Variants in KCNB2 observed in about 807,000 individuals in gnomAD.
KCNB2 encodes the protein delayed rectifier potassium channel protein.
KCNB2 carries 15 observed loss-of-function variants against 61.5 expected under a neutral mutation model. The ratio of observed to expected loss-of-function variants is 0.24; its 90% CI spans 0.16 to 0.38. The LOEUF is 0.38. Ranked by LOEUF, KCNB2 falls within the 10% of genes least tolerant of loss-of-function variation. The pLI, the probability that KCNB2 is intolerant of heterozygous loss-of-function variation, is 1.00. For missense variants in KCNB2, 828 were observed against 1,125.2 expected, an observed-to-expected ratio of 0.74 and a Z score of 3.78; for synonymous variants, 457 against 446.0, an observed-to-expected ratio of 1.02 and a Z score of -0.31.
intron 1 of KCNB2, among the ~76,000 whole-genome samples, chr8:72,542,061 TTTA>T (rs1460622392): frequency 3.3e-5 from 5 of 152,138 alleles, no homozygotes; most frequent in African/African-American, 1.2e-4. Flanking sequence ...ATGCATTTAT[TTTA>T]TTAAGTGCAG....
intron 2 of KCNB2, among the ~76,000 whole-genome samples, chr8:72,651,363 T>A (rs1806208471): frequency 6.6e-6 from 1 of 152,186 alleles, no homozygotes; most frequent in African/African-American, 2.4e-5. Flanking sequence ...AATTTTGTCT[T>A]GGGAATTCTT....
intron 2 of KCNB2, among the ~76,000 whole-genome samples, chr8:72,651,342 G>C (rs1265358386): frequency 6.6e-6 from 1 of 152,070 alleles, no homozygotes; most frequent in Admixed American, 6.6e-5. Context: ...TTGGACAGAG[G>C]AATAATAAGC....
At chr8:72,928,141 G>C (rs1186890518) in intron 2 of KCNB2, among the ~76,000 whole-genome samples, 1 of 151,006 alleles carries the variant, frequency 6.6e-6, no homozygotes, top group Non-Finnish European at 1.5e-5. Context: ...TCTTTTCAAA[G>C]AGCTAAAAAC....
At chr8:72,619,866 A>G (rs1805688022) in intron 2 of KCNB2, among the ~76,000 whole-genome samples, 1 of 152,216 alleles carries the variant, frequency 6.6e-6, no homozygotes, top group Admixed American at 6.5e-5. Context: ...TTAATTATTC[A>G]TTGGAGATGT....
intron 2 of KCNB2, among the ~76,000 whole-genome samples, chr8:72,895,398 AG>A (rs913383253): frequency 2.0e-5 from 3 of 152,176 alleles, no homozygotes; most frequent in African/African-American, 7.2e-5. Context: ...TGAAGGTGGA[AG>A]AAGGGGAGCA....
chr8:72,837,660 T>C (rs187208779), intron 2 of KCNB2, among the ~76,000 whole-genome samples: 1 of 152,322 alleles, frequency 6.6e-6, no homozygotes, highest in Admixed American at 6.5e-5. Context: ...ATTTATTGTC[T>C]CATTAGTCAA....
chr8:72,895,062 C>T (rs1404177519), intron 2 of KCNB2, among the ~76,000 whole-genome samples: 8 of 152,136 alleles, frequency 5.3e-5, no homozygotes, highest in African/African-American at 1.9e-4. Flanking sequence ...AGTCACAAAA[C>T]AATCAGTGAA....
chr8:72,707,108 T>A (rs1164533808), intron 2 of KCNB2, among the ~76,000 whole-genome samples: 1 of 152,232 alleles, frequency 6.6e-6, no homozygotes, highest in Non-Finnish European at 1.5e-5. Context: ...AACCTTGCCT[T>A]CATAAGGCAG....
chr8:72,860,344 CTTG>C (rs1810279316), intron 2 of KCNB2, among the ~76,000 whole-genome samples: 1 of 152,176 alleles, frequency 6.6e-6, no homozygotes, highest in Non-Finnish European at 1.5e-5. Flanking sequence ...CCCATCAACA[CTTG>C]TTATCTTTTT....
At chr8:72,732,990 T>TAA (rs895799434) in intron 2 of KCNB2, among the ~76,000 whole-genome samples, 2 of 138,170 alleles carry the variant, frequency 1.4e-5, no homozygotes. Context: ...TTGAAGATGC[T>TAA]AAAAAAAAAA....
In KCNB2 at chr8:72,785,004, C is replaced by T. The variant is rs745700386; in HGVS notation, c.580-150931C>T. On this transcript the variant is annotated intron_variant, in intron 2 of 2. Transcript: ENST00000523207. The stretch of plus-strand genomic sequence containing the variant: ...TAATATTTTAGTCCACATTTCATTA[C>T]TAATAATTATTTAGACTTTCAGATT... 6.6e-5 allele frequency among the ~76,000 whole-genome samples: 10 copies of T among 152,270 alleles called. No homozygotes were observed. In the East Asian group the frequency reaches 1.3e-3, roughly 21 times the overall value.
At chr8:72,821,865 G>C (rs1301552502) in intron 2 of KCNB2, among the ~76,000 whole-genome samples, 3 of 151,996 alleles carry the variant, frequency 2.0e-5, no homozygotes, top group Non-Finnish European at 2.9e-5. Context: ...GAGACAAAGG[G>C]AATCTGCAAG....
chr8:72,730,694 C>A (rs1368891513), intron 2 of KCNB2, among the ~76,000 whole-genome samples: 2 of 152,092 alleles, frequency 1.3e-5, no homozygotes, highest in East Asian at 3.9e-4. Flanking sequence ...AGAGTTAAAT[C>A]ATCTAAGTAA....
intron 2 of KCNB2, among the ~76,000 whole-genome samples, chr8:72,639,306 A>G (rs1436957778): frequency 1.3e-5 from 2 of 152,178 alleles, no homozygotes; most frequent in Non-Finnish European, 2.9e-5. Flanking sequence ...TATAACCAGC[A>G]GGACGCCTAT....
At chr8:72,828,833 T>G (rs1809642085) in intron 2 of KCNB2, among the ~76,000 whole-genome samples, 5 of 152,274 alleles carry the variant, frequency 3.3e-5, no homozygotes, top group Admixed American at 2.6e-4. Context: ...GCATTTCCCT[T>G]CTAGCACTCA....
rs1031419617 is a variant in KCNB2 at position 72,584,856 on chromosome 8, GA to G, written c.579+16553del. 4.5e-4 allele frequency among the ~76,000 whole-genome samples: 67 copies of G among 149,796 alleles called. 1 individual carries two copies. In the South Asian group the frequency reaches 0.012, roughly 26 times the overall value. ...CAGATTTGGAGTTGCTAAAGATAAAGAAAAAAAAAATCAGAAACCCTTGCTC... is the reference window on the plus strand; with the variant it reads ...CAGATTTGGAGTTGCTAAAGATAAAGAAAAAAAAATCAGAAACCCTTGCTC... On this transcript the variant is annotated intron_variant, in intron 2 of 2. Transcript: ENST00000523207.
intron 2 of KCNB2, among the ~76,000 whole-genome samples, chr8:72,735,916 G>A (rs761652597): frequency 1.3e-5 from 2 of 152,128 alleles, no homozygotes; most frequent in African/African-American, 2.4e-5. Context: ...TAGCTTCCCA[G>A]TAAATCAAAC....
At chr8:72,690,289 A>G (rs539934640) in intron 2 of KCNB2, among the ~76,000 whole-genome samples, 3 of 152,320 alleles carry the variant, frequency 2.0e-5, no homozygotes, top group African/African-American at 4.8e-5. Context: ...AAGAGCAACC[A>G]TATGATTCCA....
intron 2 of KCNB2, chr8:72,660,837 A>G (rs1170354376): frequency 6.6e-6 from 1 of 152,170 alleles, no homozygotes; most frequent in Non-Finnish European, 1.5e-5. Flanking sequence ...ATGAAAATTC[A>G]TTCTTTAATA....
Sources: gnomAD v4.1 joint callset for allele counts (sites outside exome capture counted in the v4.1 genomes callset) on GRCh38, gnomAD v4.1.1 for gene constraint, MANE v1.5 for transcripts, NCBI Gene and HGNC (gene_info 2026-07-23, HGNC 2026-07-21) for gene names.